CFAP90: variants seen among roughly 807,000 people sequenced by gnomAD.
CFAP90 encodes cilia- and flagella-associated protein 90.
the CFAP90 span, among the ~76,000 whole-genome samples, chr5:7,849,140 G>T: frequency 6.6e-6 from 1 of 152,142 alleles, no homozygotes; most frequent in Non-Finnish European, 1.5e-5. Context: ...TAAGGTACTG[G>T]GGATTAAGAC....
chr5:7,841,985 GA>G, the CFAP90 span, among the ~76,000 whole-genome samples: 20 of 149,724 alleles, frequency 1.3e-4, no homozygotes, highest in South Asian at 8.4e-4. Flanking sequence ...TTGGAAATTA[GA>G]AAAAAAAAAT....
the CFAP90 span, among the ~76,000 whole-genome samples, chr5:7,834,016 GTATT>G: frequency 1.3e-5 from 2 of 152,124 alleles, no homozygotes; most frequent in Non-Finnish European, 2.9e-5. Context: ...ACTGGTTTAT[GTATT>G]TATTATATTT....
chr5:7,836,767 C>A, the CFAP90 span, among the ~76,000 whole-genome samples: 1 of 152,062 alleles, frequency 6.6e-6, no homozygotes, highest in South Asian at 2.1e-4. Flanking sequence ...GGGAAGGTAC[C>A]AGGGGTCATT....
chr5:7,850,450 G>A, the CFAP90 span, among the ~76,000 whole-genome samples: 2 of 151,758 alleles, frequency 1.3e-5, no homozygotes, highest in East Asian at 3.9e-4. Flanking sequence ...CCCTCCCAGG[G>A]CCCCTCCTCG....
At chr5:7,842,754 G>A in the CFAP90 span, among the ~76,000 whole-genome samples, 7 of 152,250 alleles carry the variant, frequency 4.6e-5, no homozygotes, top group African/African-American at 1.4e-4. Context: ...TGTTAAGCCC[G>A]TTGGTGCACC....
the CFAP90 span, among the ~76,000 whole-genome samples, chr5:7,845,779 T>G: frequency 6.6e-6 from 1 of 151,946 alleles, no homozygotes; most frequent in Non-Finnish European, 1.5e-5. Context: ...CAGGAGCCGA[T>G]CACATTTTTG....
At chr5:7,844,467 G>T in the CFAP90 span, among the ~76,000 whole-genome samples, 91 of 152,254 alleles carry the variant, frequency 6.0e-4, 1 homozygote, top group Admixed American at 2.6e-3. Context: ...TATGAGACAG[G>T]CACTCTTTTG....
the CFAP90 span, among the ~76,000 whole-genome samples, chr5:7,834,537 G>A: frequency 2.0e-5 from 3 of 151,952 alleles, no homozygotes; most frequent in South Asian, 4.2e-4. Context: ...TGAAGTCTAC[G>A]GTAGTGTACA....
the CFAP90 span, among the ~76,000 whole-genome samples, chr5:7,850,426 C>T: frequency 1.3e-5 from 2 of 152,070 alleles, no homozygotes; most frequent in Non-Finnish European, 2.9e-5. Context: ...GTCCCCGATC[C>T]CTAGCGGTGC....
At chr5:7,835,512 G>A in the CFAP90 span, 6 of 1,418,020 alleles carry the variant, frequency 4.2e-6, no homozygotes, top group Non-Finnish European at 4.9e-6. Flanking sequence ...GGAAAAAAAA[G>A]AGAAAGAAAG....
At chr5:7,850,146 C>T in the CFAP90 span, among the ~76,000 whole-genome samples, 1 of 152,152 alleles carries the variant, frequency 6.6e-6, no homozygotes. Context: ...CCGGCTTCTC[C>T]CACATCCTCG....
chr5:7,845,456 T>A, the CFAP90 span, among the ~76,000 whole-genome samples: 2 of 152,096 alleles, frequency 1.3e-5, no homozygotes, highest in Non-Finnish European at 2.9e-5. Flanking sequence ...AAACCTAAGG[T>A]GGGGCCTTTA....
the CFAP90 span, among the ~76,000 whole-genome samples, chr5:7,849,244 G>C: frequency 4.5e-4 from 68 of 152,320 alleles, no homozygotes; most frequent in Admixed American, 7.2e-4. Context: ...CTGTCCAAGA[G>C]TGCTTACACT....
At chr5:7,841,937 G>A in the CFAP90 span, among the ~76,000 whole-genome samples, 8 of 152,050 alleles carry the variant, frequency 5.3e-5, no homozygotes, top group African/African-American at 9.7e-5. Flanking sequence ...ATACGTTTAC[G>A]TATGTAACAA....
chr5:7,831,740 C>T, the CFAP90 span: 4 of 1,074,886 alleles, frequency 3.7e-6, no homozygotes, highest in Admixed American at 8.6e-5. Context: ...CATAGCCAAG[C>T]TCCTAGGCGT....
chr5:7,840,788 G>GTA, the CFAP90 span, among the ~76,000 whole-genome samples: 1 of 152,062 alleles, frequency 6.6e-6, no homozygotes, highest in Non-Finnish European at 1.5e-5. Context: ...ACTGGAGTAG[G>GTA]GTAGACCCCC....
the CFAP90 span, chr5:7,850,817 C>T: frequency 8.2e-7 from 1 of 1,226,658 alleles, no homozygotes; most frequent in Non-Finnish European, 1.0e-6. Flanking sequence ...GCCGCCCAGC[C>T]GCCCAGCCGC....
chr5:7,845,417 A>G, the CFAP90 span, among the ~76,000 whole-genome samples: 1 of 152,166 alleles, frequency 6.6e-6, no homozygotes, highest in African/African-American at 2.4e-5. Context: ...CCCAACATAC[A>G]CAGAGAAGAA....
the CFAP90 span, among the ~76,000 whole-genome samples, chr5:7,837,330 G>T: frequency 6.6e-6 from 1 of 152,272 alleles, no homozygotes; most frequent in South Asian, 2.1e-4. Flanking sequence ...TGTCATTTAT[G>T]TTATTCCAGC....
Sources: gnomAD v4.1 joint callset for allele counts (sites outside exome capture counted in the v4.1 genomes callset) on GRCh38, gnomAD v4.1.1 for gene constraint, MANE v1.5 for transcripts, NCBI Gene and HGNC (gene_info 2026-07-23, HGNC 2026-07-21) for gene names.